Variants in NIN observed in about 807,000 individuals in gnomAD.
NIN encodes the protein glycogen synthase kinase 3 beta-interacting protein.
Under a neutral mutation model 257.6 loss-of-function variants are expected in NIN, and 137 were observed. That is an observed-to-expected ratio of 0.53 (90% CI 0.46 to 0.61). The LOEUF is 0.61. Ranked by LOEUF, NIN falls within the 20% of genes least tolerant of loss-of-function variation. The pLI, the probability that NIN is intolerant of heterozygous loss-of-function variation, is 0.00. For missense variants in NIN, 2,439 were observed against 2,501.2 expected (o/e 0.98, Z 0.53); for synonymous variants, 918 against 919.8 (o/e 1.00, Z 0.04).
intron 4 of NIN, among the ~76,000 whole-genome samples, chr14:50,794,767 A>G: frequency 6.6e-6 from 1 of 152,064 alleles, no homozygotes; most frequent in East Asian, 1.9e-4. Flanking sequence ...AGGTTAAAAA[A>G]AAAAAAAAAA....
rs143100523 is a variant in NIN at position 50,793,742 on chromosome 14, A to C, written c.266-861T>G. Among the ~76,000 whole-genome samples, 2 of 151,612 alleles carry C rather than the reference A, an allele frequency of 1.3e-5. 1 individual carries two copies. The highest frequency in any genetic ancestry group is 4.2e-4 in the South Asian group (2 of 4,816). On this transcript the variant is annotated intron_variant, in intron 4 of 30. Transcript: ENST00000530997. ...CACTGCCATCACCACCACCACCACCACCTCCACCGCCACAACTACAGGCTA... is the reference window on the plus strand; with the variant it reads ...CACTGCCATCACCACCACCACCACCCCCTCCACCGCCACAACTACAGGCTA...
chr14:50,761,943 G>T, intron 15 of NIN, 32 bp from the exon 16 acceptor site: 1 of 1,612,550 alleles, frequency 6.2e-7, no homozygotes, highest in Non-Finnish European at 8.5e-7. Context: ...TGATCCTGCA[G>T]CAGGTTCTTT....
chr14:50,727,771 A>C (rs373539445), intron 29 of NIN: 10 of 1,418,660 alleles, frequency 7.0e-6, no homozygotes, highest in Non-Finnish European at 8.5e-6. Context: ...GAAGGCAAGT[A>C]GTACACTTCA....
At chr14:50,731,447 C>G (rs1254574156) in intron 28 of NIN, among the ~76,000 whole-genome samples, 1 of 148,818 alleles carries the variant, frequency 6.7e-6, no homozygotes, top group African/African-American at 2.5e-5. Flanking sequence ...CGGAGAATTG[C>G]TTGAACCTGG....
intron 26 of NIN, 94 bp from the exon 27 acceptor site, chr14:50,738,380 G>A: frequency 9.4e-7 from 1 of 1,068,866 alleles, no homozygotes; most frequent in Non-Finnish European, 1.4e-6. Context: ...TCAGTACTTG[G>A]GTCCTGTTTA....
chr14:50,771,519 C>T lies in NIN; in HGVS notation c.982-51G>A, dbSNP rs768856332. On this transcript the variant is annotated intron_variant, in intron 9 of 30. Transcript: ENST00000530997. ...TCAAAAACAAATCACTCATTCCATC[C>T]TCTGAAAGCAGAAAATGTGAAGGCT... 12 of 1,597,254 alleles carry T rather than the reference C, an allele frequency of 7.5e-6. No individual in the cohort carries two copies. The Admixed American group carries it at 2.0e-4, about 27-fold the overall frequency.
rs757465234 is a variant in NIN, at chr14:50,754,663, G to T, written c.4665-31C>A. 1.3e-5 allele frequency: 21 copies of T among 1,595,834 alleles called. No homozygotes were observed. In the East Asian group the frequency reaches 4.5e-4, roughly 34 times the overall value. On this transcript the variant is annotated intron_variant, in intron 19 of 30. Transcript: ENST00000530997. Reference sequence around the variant, plus strand: ...AGGAATGATGAAAATAAAATTTAATGGTTAGGCTTTAAAAGCTGAAGTAAA... The same window carrying T: ...AGGAATGATGAAAATAAAATTTAATTGTTAGGCTTTAAAAGCTGAAGTAAA...
At chr14:50,745,535 A>C (rs1022326700) in intron 22 of NIN, among the ~76,000 whole-genome samples, 1 of 152,108 alleles carries the variant, frequency 6.6e-6, no homozygotes, top group African/African-American at 2.4e-5. Flanking sequence ...ATTCTTTCAC[A>C]TTTAGCTGTA....
intron 16 of NIN, among the ~76,000 whole-genome samples, chr14:50,760,591 C>T (rs1020616629): frequency 6.6e-6 from 1 of 152,108 alleles, no homozygotes; most frequent in Non-Finnish European, 1.5e-5. Flanking sequence ...GTCTGAACAA[C>T]CTTATTAAGA....
chr14:50,745,530 T>C (rs2140569682), intron 22 of NIN, among the ~76,000 whole-genome samples: 1 of 152,348 alleles, frequency 6.6e-6, no homozygotes, highest in South Asian at 2.1e-4. Flanking sequence ...CTGAAATTCT[T>C]TCACATTTAG....
chr14:50,744,041 A>G (rs752390027), intron 23 of NIN, among the ~76,000 whole-genome samples: 2 of 152,236 alleles, frequency 1.3e-5, no homozygotes, highest in African/African-American at 4.8e-5. Context: ...GTTTAATAAT[A>G]TAATTAGTAA....
intron 21 of NIN, among the ~76,000 whole-genome samples, chr14:50,750,996 C>A (rs755524721): frequency 1.3e-5 from 2 of 152,180 alleles, no homozygotes; most frequent in African/African-American, 4.8e-5. Context: ...CCCTTTCTTA[C>A]ACACACAAAG....
rs140439023 is a variant in NIN at position 50,731,140 on chromosome 14, T to TC, written c.5878-1418_5878-1417insG. Among the ~76,000 whole-genome samples, 1,220 of 152,320 alleles carry TC rather than the reference T, an allele frequency of 8.0e-3. 18 individuals carry two copies. Among genetic ancestry groups the TC allele is most frequent in the African/African-American group, 0.027 (1,133 of 41,572 alleles). ...AAGACACATTTTTCTGTATATAAAT[T>TC]TACAGACATTAAAATGTCTTACAAC... On this transcript the variant is annotated intron_variant, in intron 28 of 30. Transcript: ENST00000530997.
intron 3 of NIN, among the ~76,000 whole-genome samples, chr14:50,812,235 A>G (rs948174144): frequency 6.6e-6 from 1 of 152,208 alleles, no homozygotes; most frequent in Non-Finnish European, 1.5e-5. Context: ...CACAATATTC[A>G]TGTGACACAG....
intron 2 of NIN, among the ~76,000 whole-genome samples, chr14:50,827,591 CAA>C (rs11351454): frequency 0.37 from 50,950 of 136,930 alleles, 9,488 homozygotes; most frequent in East Asian, 0.53. Context: ...ACTAAAAATA[CAA>C]AAAAAAAAAA....
chr14:50,740,746 C>T (rs570406095), intron 25 of NIN, among the ~76,000 whole-genome samples: 61 of 151,714 alleles, frequency 4.0e-4, no homozygotes, highest in African/African-American at 4.8e-4. Context: ...CCTCCCAAAG[C>T]GCTGGGATTA....
At chr14:50,798,139 G>A (rs2043925652) in intron 4 of NIN, among the ~76,000 whole-genome samples, 1 of 152,128 alleles carries the variant, frequency 6.6e-6, no homozygotes, top group Non-Finnish European at 1.5e-5. Context: ...GCAAGCAGCC[G>A]CACCACACTT....
chr14:50,721,381 G>T lies in NIN; in HGVS notation c.*2082C>A, dbSNP rs929918894. 1.9e-5 allele frequency: 4 copies of T among 211,882 alleles called. No individual in the cohort carries two copies. Among genetic ancestry groups the T allele is most frequent in the African/African-American group, 6.8e-5 (3 of 44,084 alleles). 13.1% of individuals were successfully genotyped at this position (211,882 alleles called of 1,614,324 possible). The stretch of plus-strand genomic sequence containing the variant: ...AACCTACACCTCTCATACTGTAAAA[G>T]ACAAAAATTAAAAATACAACAACCG... On this transcript the variant is annotated 3_prime_UTR_variant, in exon 31 of 31. Transcript: ENST00000530997.
chr14:50,761,558 A>G (rs1187686685), intron 16 of NIN, among the ~76,000 whole-genome samples: 1 of 152,168 alleles, frequency 6.6e-6, no homozygotes, highest in Non-Finnish European at 1.5e-5. Flanking sequence ...AGATAATATA[A>G]TGGGTTTCAA....
Sources: allele counts gnomAD v4.1 joint callset (sites outside exome capture counted in the v4.1 genomes callset), GRCh38; gene constraint gnomAD v4.1.1; transcripts MANE v1.5; gene names NCBI Gene and HGNC (gene_info 2026-07-23, HGNC 2026-07-21).